The following EYA4 variants were observed in gnomAD, a reference collection of about 807,000 sequenced individuals.
EYA4 encodes the protein EYA transcriptional coactivator and phosphatase 4.
Under a neutral mutation model 87.9 loss-of-function variants are expected in EYA4, and 31 were observed. The observed-to-expected ratio is 0.35, with a 90% CI of 0.27 to 0.48. EYA4 has a LOEUF of 0.48. EYA4 is among the 20% of genes least tolerant of loss of function. The pLI, the probability that EYA4 is intolerant of heterozygous loss-of-function variation, is 0.99. For missense variants in EYA4, 678 were observed against 761.4 expected, an observed-to-expected ratio of 0.89 and a Z score of 1.29; for synonymous variants, 263 against 270.6, an observed-to-expected ratio of 0.97 and a Z score of 0.28.
At chr6:133,403,872 A>G (rs211614) in intron 3 of EYA4, among the ~76,000 whole-genome samples, 10,502 of 151,864 alleles carry the variant, frequency 0.069, 532 homozygotes, top group Non-Finnish European at 0.11. Context: ...GTGCAATGGC[A>G]TGATTTTGGC....
rs1407328572 is a variant in EYA4 at position 133,525,953 on chromosome 6, T to C, written c.1839+699T>C. The C allele has an allele frequency of 5.1e-6, 5 of 983,804 alleles. No homozygotes were observed. In the Admixed American group the frequency reaches 3.1e-4, roughly 61 times the overall value. The allele number at this position is 983,804 out of a possible 1,614,324, so 60.9% of individuals were successfully genotyped here. A position where few individuals can be genotyped will look rare whatever the true frequency, so the allele number is the denominator to read the frequency against. The stretch of plus-strand genomic sequence containing the variant: ...TTCATCTGTTTTGGTGAGCCAGTGG[T>C]ACTTGATTGAAGCCAAGCAGCTGGC... On this transcript the variant is annotated intron_variant, in intron 19 of 19. Transcript: ENST00000355286.
chr6:133,378,926 G>GGTGTGTGTGTGTGTGT (rs10681162), intron 2 of EYA4, among the ~76,000 whole-genome samples: 35 of 141,824 alleles, frequency 2.5e-4, no homozygotes, highest in African/African-American at 8.5e-4. Flanking sequence ...TTTCTGTCTT[G>GGTGTGTGTGTGTGTGT]GTGTGTGTGT....
intron 2 of EYA4, among the ~76,000 whole-genome samples, chr6:133,280,206 A>G (rs573952384): frequency 6.6e-6 from 1 of 152,258 alleles, no homozygotes; most frequent in East Asian, 1.9e-4. Flanking sequence ...CATACTTCAG[A>G]GTTCTGTGGA....
intron 2 of EYA4, among the ~76,000 whole-genome samples, chr6:133,318,747 A>G (rs546713728): frequency 6.6e-6 from 1 of 152,060 alleles, no homozygotes; most frequent in East Asian, 1.9e-4. Context: ...GCTGACACAT[A>G]TCACTCGTAT....
intron 2 of EYA4, among the ~76,000 whole-genome samples, chr6:133,375,059 G>A (rs901240274): frequency 6.6e-6 from 1 of 151,830 alleles, no homozygotes; most frequent in African/African-American, 2.4e-5. Flanking sequence ...TTAATGTTTC[G>A]AGTTTTTAAA....
chr6:133,424,851 A>C (rs1790528565), intron 3 of EYA4, among the ~76,000 whole-genome samples: 1 of 150,726 alleles, frequency 6.6e-6, no homozygotes, highest in Admixed American at 6.6e-5. Flanking sequence ...CCGCCCACTC[A>C]GAAGGGATGG....
intron 2 of EYA4, among the ~76,000 whole-genome samples, chr6:133,324,907 T>C: frequency 2.9e-5 from 4 of 136,336 alleles, no homozygotes; most frequent in Middle Eastern, 7.5e-3. Flanking sequence ...AGAAGCTATT[T>C]TTTTTTTTTT....
At position 133,320,471 on chromosome 6, in the gene EYA4, ATT is replaced by A. The variant is rs1206528593; in HGVS notation, c.33+45661_33+45662del. Among the ~76,000 whole-genome samples, 4 of 130,440 alleles carry A rather than the reference ATT, an allele frequency of 3.1e-5. No individual in the cohort carries two copies. In the East Asian group the frequency reaches 8.4e-4, roughly 27 times the overall value. The allele number at this position is 130,440 out of a possible 152,430, so 85.6% of individuals were successfully genotyped here. A position where few individuals can be genotyped will look rare whatever the true frequency, so the allele number is the denominator to read the frequency against. ...AGAGTAAACAGTTAATTAAATCTAT[ATT>A]TTACTTGTTTTTTTTTCTCTTTTAT... On this transcript the variant is annotated intron_variant, in intron 2 of 19. Coordinates refer to ENST00000355286, the MANE Select transcript of EYA4 (RefSeq NM_004100.5).
intron 1 of EYA4, among the ~76,000 whole-genome samples, chr6:133,252,309 A>G (rs722488): frequency 0.14 from 20,810 of 152,234 alleles, 2,122 homozygotes; most frequent in East Asian, 0.4. Context: ...TTTGTTTGTA[A>G]TGAGAAATTT....
chr6:133,320,668 T>A (rs1193613740), intron 2 of EYA4, among the ~76,000 whole-genome samples: 1 of 152,188 alleles, frequency 6.6e-6, no homozygotes, highest in East Asian at 1.9e-4. Flanking sequence ...TTTCAATCTT[T>A]ACCCTCCTTT....
intron 2 of EYA4, among the ~76,000 whole-genome samples, chr6:133,344,131 G>T (rs1783021164): frequency 1.3e-5 from 2 of 152,150 alleles, no homozygotes; most frequent in African/African-American, 4.8e-5. Context: ...TAGGAGAAAG[G>T]CTGGACATGT....
At chr6:133,262,214 A>G (rs1159595642) in intron 1 of EYA4, among the ~76,000 whole-genome samples, 1 of 152,198 alleles carries the variant, frequency 6.6e-6, no homozygotes, top group Non-Finnish European at 1.5e-5. Context: ...TTGATCAAAA[A>G]AGATTTCCAG....
intron 2 of EYA4, among the ~76,000 whole-genome samples, chr6:133,326,265 A>G (rs536855802): frequency 1.3e-5 from 2 of 152,284 alleles, no homozygotes; most frequent in South Asian, 2.1e-4. Context: ...GGTGCCAGGT[A>G]GGTCTGGGGA....
intron 2 of EYA4, among the ~76,000 whole-genome samples, chr6:133,354,966 C>T (rs1441954498): frequency 6.6e-6 from 1 of 152,184 alleles, no homozygotes; most frequent in Non-Finnish European, 1.5e-5. Flanking sequence ...CAGAACTTCT[C>T]ATGAAGACTG....
chr6:133,324,501 G>GT lies in EYA4; in HGVS notation c.33+49695dup, dbSNP rs1041575616. Among the ~76,000 whole-genome samples the GT allele has an allele frequency of 5.8e-4, 88 of 152,064 alleles. No individual in the cohort carries two copies. The Middle Eastern group carries it at 0.014, about 24-fold the overall frequency. On this transcript the variant is annotated intron_variant, in intron 2 of 19. Transcript: ENST00000355286. ...TTTTCAAGTATTTATTATTTTAAAA[G>GT]TTTTTTTATGTATTATGTACAATAT... is the stretch of plus-strand genomic sequence containing the variant.
intron 2 of EYA4, among the ~76,000 whole-genome samples, chr6:133,355,984 A>G (rs1783990192): frequency 6.6e-6 from 1 of 151,700 alleles, no homozygotes; most frequent in African/African-American, 2.4e-5. Flanking sequence ...AGCATGATCA[A>G]TTTCTGGTGA....
In EYA4 at chr6:133,515,450, T is replaced by G; in HGVS notation, c.1616+15T>G. On this transcript the variant is annotated intron_variant, in intron 17 of 19. Coordinates refer to ENST00000355286, the MANE Select transcript of EYA4 (RefSeq NM_004100.5). Reference sequence around the variant, plus strand: ...ATTAGCACTAGGTAAGTGGAATTGTTACCTTTCTATGTGTATCGTATTGAA... The same window carrying G: ...ATTAGCACTAGGTAAGTGGAATTGTGACCTTTCTATGTGTATCGTATTGAA... The G allele has an allele frequency of 7.6e-7, 1 of 1,318,492 alleles. No individual in the cohort carries two copies. The highest frequency in any genetic ancestry group is 1.4e-5 in the African/African-American group (1 of 69,524). The allele number at this position is 1,318,492 out of a possible 1,614,324, so 81.7% of individuals were successfully genotyped here.
chr6:133,395,274 A>G (rs982652578), intron 3 of EYA4, among the ~76,000 whole-genome samples: 5 of 149,596 alleles, frequency 3.3e-5, no homozygotes, highest in African/African-American at 9.9e-5. Flanking sequence ...TACCTAGCAC[A>G]GTGTGTGGCA....
At chr6:133,293,186 T>G (rs1436663353) in intron 2 of EYA4, among the ~76,000 whole-genome samples, 1 of 152,194 alleles carries the variant, frequency 6.6e-6, no homozygotes. Context: ...GTCTTTGTTA[T>G]GCCCTCACCA....
Sources: gnomAD v4.1 joint callset for allele counts (sites outside exome capture counted in the v4.1 genomes callset) on GRCh38, gnomAD v4.1.1 for gene constraint, MANE v1.5 for transcripts, NCBI Gene and HGNC (gene_info 2026-07-23, HGNC 2026-07-21) for gene names.